Variants in PCGF5 observed in about 807,000 individuals in gnomAD.
PCGF5 encodes polycomb group RING finger protein 5.
PCGF5 carries 9 observed loss-of-function variants against 44.3 expected under a neutral mutation model. The observed-to-expected ratio is 0.20, with a 90% CI of 0.12 to 0.35. The LOEUF (loss-of-function observed/expected upper bound fraction) is 0.35. Among genes scored for constraint, PCGF5 ranks in the 10% least tolerant of loss-of-function variants. The pLI is 1.00. For synonymous variants in PCGF5, 95 were observed against 102.5 expected (o/e 0.93, Z 0.44); for missense variants, 146 against 305.3 (o/e 0.48, Z 3.89).
intron 1 of PCGF5, among the ~76,000 whole-genome samples, chr10:91,171,697 G>GA (rs1843608880): frequency 6.6e-6 from 1 of 152,158 alleles, no homozygotes; most frequent in Admixed American, 6.6e-5. Flanking sequence ...AGGGAAAAAC[G>GA]AATGTGGAGG....
chr10:91,218,496 G>A (rs941553940), upstream of PCGF5, among the ~76,000 whole-genome samples: 5 of 152,146 alleles, frequency 3.3e-5, no homozygotes, highest in Non-Finnish European at 7.4e-5. Flanking sequence ...TAACTGGTAA[G>A]GAGCCCCAGG....
rs141268334 is a variant in PCGF5, at chr10:91,209,857, A to T, written c.-183-12832A>T. Among the ~76,000 whole-genome samples the T allele has an allele frequency of 3.5e-4, 54 of 152,302 alleles. 2 individuals are homozygous for T. The East Asian group carries it at 0.01, about 29-fold the overall frequency. ...TAGGAGTAGAGTCTCCCAGTTTAGT[A>T]GCTATCAATGGGCATTAGGGAATGA... On this transcript the variant is annotated intron_variant, in intron 1 of 9. Transcript: ENST00000614189.
At chr10:91,168,017 C>A (rs909212696) in intron 1 of PCGF5, among the ~76,000 whole-genome samples, 1 of 152,166 alleles carries the variant, frequency 6.6e-6, no homozygotes, top group East Asian at 1.9e-4. Context: ...TAGTAAAGCA[C>A]CTGCAAGTAG....
intron 8 of PCGF5, among the ~76,000 whole-genome samples, chr10:91,269,091 G>A (rs997556677): frequency 5.3e-5 from 8 of 152,126 alleles, no homozygotes; most frequent in Admixed American, 2.0e-4. Context: ...GTAGGTCTGG[G>A]AATAAGACTC....
intron 2 of PCGF5, among the ~76,000 whole-genome samples, chr10:91,238,398 C>T (rs2133338128): frequency 6.6e-6 from 1 of 152,278 alleles, no homozygotes; most frequent in South Asian, 2.1e-4. Context: ...AAGATAGGGT[C>T]CTACCCTTAG....
At chr10:91,246,952 TA>T (rs1446413673) in intron 3 of PCGF5, among the ~76,000 whole-genome samples, 1 of 116,168 alleles carries the variant, frequency 8.6e-6, no homozygotes, top group Non-Finnish European at 1.8e-5. Context: ...GGCAGATAGA[TA>T]GATGGATAGA....
At chr10:91,205,745 G>A (rs569527512) in intron 1 of PCGF5, among the ~76,000 whole-genome samples, 9 of 152,280 alleles carry the variant, frequency 5.9e-5, no homozygotes, top group South Asian at 2.1e-4. Flanking sequence ...TTGGGAGGCC[G>A]AGGCAGGTGG....
At chr10:91,223,065 A>G in intron 2 of PCGF5, 82 bp downstream of exon 2, 1 of 899,718 alleles carries the variant, frequency 1.1e-6, no homozygotes, top group South Asian at 1.5e-5. Flanking sequence ...TTTTGTTTTT[A>G]TCTATGTTGT....
chr10:91,252,434 A>C (rs890672260), intron 6 of PCGF5, among the ~76,000 whole-genome samples: 1 of 152,034 alleles, frequency 6.6e-6, no homozygotes, highest in African/African-American at 2.4e-5. Context: ...AATTCAGTGA[A>C]TATTTATCCA....
At chr10:91,217,698 A>G (rs1844569055), upstream of PCGF5, among the ~76,000 whole-genome samples, 2 of 152,166 alleles carry the variant, frequency 1.3e-5, no homozygotes, top group Admixed American at 6.5e-5. Flanking sequence ...CTTCACTCCT[A>G]AGTGCCATCT....
intron 2 of PCGF5, among the ~76,000 whole-genome samples, chr10:91,238,605 T>TTTCTTTCTTTCTTTCTTTTTC (rs1845238508): frequency 1.3e-5 from 1 of 78,088 alleles, no homozygotes; most frequent in Non-Finnish European, 2.6e-5. Flanking sequence ...TTCTTTCTTT[T>TTTCTTTCTTTCTTTCTTTTTC]TTTTTTTTTT....
chr10:91,166,667 C>T (rs1843506528), intron 1 of PCGF5, among the ~76,000 whole-genome samples: 3 of 152,018 alleles, frequency 2.0e-5, no homozygotes, highest in Non-Finnish European at 4.4e-5. Context: ...TCACAGCATC[C>T]AATAGAAAAG....
rs186667334 is a variant in PCGF5, at chr10:91,192,171, C to T, written c.-184+29090C>T. 2.2e-3 allele frequency among the ~76,000 whole-genome samples: 336 copies of T among 152,236 alleles called. 1 individual carries two copies. The highest frequency in any genetic ancestry group is 0.015 in the South Asian group (72 of 4,816). On this transcript the variant is annotated intron_variant, in intron 1 of 9. Coordinates refer to the PCGF5 transcript ENST00000614189. ...TCTCACTCATTTCTGATAGTACTTC[C>T]TTAAACAAAAATGGTTCAGTTTTCC...
At chr10:91,225,495 A>G (rs896023910) in intron 2 of PCGF5, among the ~76,000 whole-genome samples, 1 of 151,534 alleles carries the variant, frequency 6.6e-6, no homozygotes, top group Non-Finnish European at 1.5e-5. Context: ...TGTGGCCTTT[A>G]TCGTCAACAG....
At chr10:91,215,590 G>A (rs1844525862), upstream of PCGF5, among the ~76,000 whole-genome samples, 2 of 152,230 alleles carry the variant, frequency 1.3e-5, no homozygotes, top group Admixed American at 6.5e-5. Context: ...ATGGGATGGG[G>A]AAATCTCACC....
chr10:91,198,749 C>T (rs909883096), intron 1 of PCGF5, among the ~76,000 whole-genome samples: 3 of 152,184 alleles, frequency 2.0e-5, no homozygotes, highest in Non-Finnish European at 2.9e-5. Flanking sequence ...GCCAGGATGA[C>T]GTTTTGGCCT....
At chr10:91,225,270 CG>C (rs1844795271) in intron 2 of PCGF5, among the ~76,000 whole-genome samples, 1 of 143,502 alleles carries the variant, frequency 7.0e-6, no homozygotes, top group Non-Finnish European at 1.5e-5. Context: ...TATGTATATA[CG>C]ATATATATCA....
chr10:91,186,349 G>A (rs531834932), intron 1 of PCGF5, among the ~76,000 whole-genome samples: 9 of 152,266 alleles, frequency 5.9e-5, no homozygotes, highest in African/African-American at 1.4e-4. Flanking sequence ...TGTCTATGGC[G>A]AGAATTCTTA....
chr10:91,192,658 A>G (rs1053928327), intron 1 of PCGF5, among the ~76,000 whole-genome samples: 6 of 152,244 alleles, frequency 3.9e-5, no homozygotes, highest in Non-Finnish European at 7.3e-5. Context: ...TCTGTTTTCT[A>G]TCAGGAAACG....
Sources: gnomAD v4.1 joint callset for allele counts (sites outside exome capture counted in the v4.1 genomes callset) on GRCh38, gnomAD v4.1.1 for gene constraint, MANE v1.5 for transcripts, NCBI Gene and HGNC (gene_info 2026-07-23, HGNC 2026-07-21) for gene names.